The following BUB3 variants were observed in gnomAD, a reference collection of about 807,000 sequenced individuals.
BUB3 encodes mitotic checkpoint protein BUB3.
In BUB3, 22 loss-of-function variants were observed where a neutral mutation model predicts 39.9. The observed-to-expected ratio is 0.55, with a 90% confidence interval of 0.39 to 0.79. The LOEUF is 0.79. BUB3 is among the 30% of genes least tolerant of loss of function. BUB3 has a pLI of 0.00. For synonymous variants in BUB3, 168 were observed against 155.1 expected, an observed-to-expected ratio of 1.08 and a Z score of -0.62; for missense variants, 303 against 415.4, an observed-to-expected ratio of 0.73 and a Z score of 2.35.
chr10:123,156,904 C>T (rs1392066404), intron 3 of BUB3, among the ~76,000 whole-genome samples: 3 of 151,982 alleles, frequency 2.0e-5, no homozygotes, highest in Admixed American at 6.6e-5. Context: ...CCACCATGCT[C>T]GGCTAATTTT....
chr10:123,165,227 C>A lies in BUB3; in HGVS notation c.*1392C>A. 2.9e-6 allele frequency: 2 copies of A among 696,916 alleles called. No individual in the cohort carries two copies. The highest frequency in any genetic ancestry group is 4.2e-5 in the South Asian group (2 of 48,100). 43.2% of individuals were successfully genotyped at this position (696,916 alleles called of 1,614,324 possible). A position where few individuals can be genotyped will look rare whatever the true frequency, so the allele number is the denominator to read the frequency against. ...GTTTAGGATGAGGAGTCTTTGTGTC[C>A]CTGTACAGTAGTCTGACGTATTTCC... On this transcript the variant is annotated 3_prime_UTR_variant, in exon 8 of 8. Transcript: ENST00000368865.
rs1844511574 is a variant in BUB3 at position 123,168,112 on chromosome 10, T to G, written c.*4277T>G. 6.6e-6 allele frequency: 1 copy of G among 152,198 alleles called. No homozygotes were observed. The highest frequency in any genetic ancestry group is 6.5e-5 in the Admixed American group (1 of 15,278). The allele number at this position is 152,198 out of a possible 1,614,324, so 9.4% of individuals were successfully genotyped here. On this transcript the variant is annotated 3_prime_UTR_variant, in exon 8 of 8. Transcript: ENST00000368865. ...CCACCCCACCCGGCCTATGTCATTT[T>G]TTTATGTGGTGAGAATAAATAATCT...
rs1169831029 is a variant in BUB3, at chr10:123,169,968, GA to G, written c.*6134del. 6.6e-6 allele frequency: 1 copy of G among 152,174 alleles called. No individual in the cohort carries two copies. Among genetic ancestry groups the G allele is most frequent in the Non-Finnish European group, 1.5e-5 (1 of 68,036 alleles). 9.4% of individuals were successfully genotyped at this position (152,174 alleles called of 1,614,324 possible). On this transcript the variant is annotated 3_prime_UTR_variant, in exon 8 of 8. Transcript: ENST00000368865. ...GCTACTCTGGAGGCTGAGGCGGGAG[GA>G]TAACCTGAGTGCGGGAGGTTGAGGT...
intron 3 of BUB3, among the ~76,000 whole-genome samples, chr10:123,156,068 G>T (rs1286250295): frequency 2.6e-5 from 4 of 152,210 alleles, no homozygotes; most frequent in Non-Finnish European, 5.9e-5. Context: ...CTGATGTTTT[G>T]AGAGTTCAGT....
In BUB3 at chr10:123,164,340, A is replaced by T; in HGVS notation, c.*505A>T. Reference sequence around the variant, plus strand: ...GGCCGTCCATTATTTTCTGAAGCAGATGGTTCATCATTTCCTGGGCTGTTA... The same window carrying T: ...GGCCGTCCATTATTTTCTGAAGCAGTTGGTTCATCATTTCCTGGGCTGTTA... On this transcript the variant is annotated 3_prime_UTR_variant, in exon 8 of 8. Transcript: ENST00000368865. The T allele has an allele frequency of 1.0e-6, 1 of 986,000 alleles. No homozygotes were observed. The highest frequency in any genetic ancestry group is 1.2e-6 in the Non-Finnish European group (1 of 830,390). The allele number at this position is 986,000 out of a possible 1,614,324, so 61.1% of individuals were successfully genotyped here.
intron 4 of BUB3, among the ~76,000 whole-genome samples, chr10:123,159,792 A>G (rs2049256871): frequency 6.6e-6 from 1 of 152,160 alleles, no homozygotes; most frequent in South Asian, 2.1e-4. Flanking sequence ...TCAGACCACT[A>G]TCTTGTCTTT....
intron 7 of BUB3, 58 bp downstream of exon 7, chr10:123,162,886 AT>A: frequency 6.7e-7 from 1 of 1,503,482 alleles, no homozygotes; most frequent in Non-Finnish European, 9.2e-7. Context: ...GGATTTATTA[AT>A]TTTTCTAAAT....
At chr10:123,161,849 A>G (rs1382747803) in intron 5 of BUB3, among the ~76,000 whole-genome samples, 3 of 152,336 alleles carry the variant, frequency 2.0e-5, no homozygotes, top group Non-Finnish European at 2.9e-5. Context: ...AGGAAACACA[A>G]TTCTTAACAG....
chr10:123,154,971 C>G lies in BUB3; in HGVS notation c.54C>G (p.Ser18=). The change falls in exon 2 of 8, where the codon TCC becomes TCG. Residue 18 remains serine (S), a synonymous_variant. Coordinates refer to ENST00000368865, the MANE Select transcript of BUB3 (RefSeq NM_004725.4). The stretch of plus-strand genomic sequence containing the variant: ...ACCAGCCACCCGAGGATGGCATCTC[C>G]TCCGTGAAGTTCAGCCCCAACACCT... The part of the protein sequence containing the change: ...KLNQPPEDGI[S]SVKFSPNTSQ... The G allele has an allele frequency of 6.2e-7, 1 of 1,614,176 alleles. No homozygotes were observed. Among genetic ancestry groups the G allele is most frequent in the Non-Finnish European group, 8.5e-7 (1 of 1,180,032 alleles).
chr10:123,160,434 C>G lies in BUB3; in HGVS notation c.445C>G (p.Arg149Gly). ...ATATACCCTCTCAGTGTCTGGAGACCGGCTGATTGTGGGAACAGCAGGCCG... is the reference window on the plus strand; with the variant it reads ...ATATACCCTCTCAGTGTCTGGAGACGGGCTGATTGTGGGAACAGCAGGCCG... The part of the protein sequence containing the change: ...KVYTLSVSGD[R>G]LIVGTAGRRV... The change falls in exon 5 of 8, where the codon CGG becomes GGG. Residue 149 changes from arginine to glycine, a missense_variant. By Grantham distance (125) the Arg-to-Gly change is moderately radical. Transcript: ENST00000368865. The G allele has an allele frequency of 6.2e-7, 1 of 1,610,006 alleles. No individual in the cohort carries two copies. Among genetic ancestry groups the G allele is most frequent in the Non-Finnish European group, 8.5e-7 (1 of 1,178,966 alleles).
chr10:123,165,318 C>G lies in BUB3; in HGVS notation c.*1483C>G, dbSNP rs1179780491. On this transcript the variant is annotated 3_prime_UTR_variant, in exon 8 of 8. Coordinates refer to ENST00000368865, the MANE Select transcript of BUB3 (RefSeq NM_004725.4). ...GTTTGAGCTCTTTTTGTAATATACT[C>G]TAAACCTGTTATTTCTGTGCTAATA... The G allele has an allele frequency of 2.7e-6, 1 of 374,664 alleles. No individual in the cohort carries two copies. The highest frequency in any genetic ancestry group is 4.8e-6 in the Non-Finnish European group (1 of 209,644). 23.2% of individuals were successfully genotyped at this position (374,664 alleles called of 1,614,324 possible).
chr10:123,156,358 A>T (rs1341193529), intron 3 of BUB3, among the ~76,000 whole-genome samples: 1 of 152,228 alleles, frequency 6.6e-6, no homozygotes, highest in Admixed American at 6.5e-5. Context: ...CTAGCTGAAC[A>T]TTTGTTTGCA....
At position 123,162,298 on chromosome 10, in the gene BUB3, G is replaced by T; in HGVS notation, c.639G>T (p.Glu213Asp). The change falls in exon 6 of 8, where the codon GAG becomes GAT. Residue 213 changes from glutamate to aspartate, a missense_variant. Coordinates refer to ENST00000368865, the MANE Select transcript of BUB3 (RefSeq NM_004725.4). ...VAVEYLDPSPEVQKKKYAFKC... is the reference protein window; with the variant it reads ...VAVEYLDPSPDVQKKKYAFKC... ...TTGAGTATTTGGACCCAAGCCCTGA[G>T]GTACAGAAGAAGAAGTATGCCTTCA... 6.2e-7 allele frequency: 1 copy of T among 1,614,002 alleles called. No individual in the cohort carries two copies. Among genetic ancestry groups the T allele is most frequent in the Non-Finnish European group, 8.5e-7 (1 of 1,179,992 alleles).
rs758355503 is a variant in BUB3, at chr10:123,155,000, A to T, written c.83A>T (p.Gln28Leu). 1 of 1,614,156 alleles carries T rather than the reference A, an allele frequency of 6.2e-7. No homozygotes were observed. Among genetic ancestry groups the T allele is most frequent in the South Asian group, 1.1e-5 (1 of 91,074 alleles). Reference protein sequence around the residue: ...SSVKFSPNTSQFLLVSSWDTS... With the variant: ...SSVKFSPNTSLFLLVSSWDTS... ...GTGAAGTTCAGCCCCAACACCTCCC[A>T]GTTCCTGCTTGTCTCCTCCTGGGAC... is the stretch of plus-strand genomic sequence containing the variant. The change falls in exon 2 of 8, where the codon CAG becomes CTG. Residue 28 changes from glutamine (Q) to leucine (L), a missense_variant. Physicochemically the swap from Gln to Leu is moderately radical, Grantham distance 113. Transcript: ENST00000368865.
Position 123,155,769 on chromosome 10 carries a change from T to C in BUB3, c.265+42T>C, listed in dbSNP as rs576386782. 3.8e-6 allele frequency: 6 copies of C among 1,571,368 alleles called. No individual in the cohort carries two copies. The African/African-American group carries it at 8.1e-5, about 21-fold the overall frequency. On this transcript the variant is annotated intron_variant, in intron 3 of 7. Coordinates refer to ENST00000368865, the MANE Select transcript of BUB3 (RefSeq NM_004725.4). ...TTTACCAGTTTGTTTTCTTGGCTAG[T>C]GTTCTTAAGTATAAATGTTTATGTA...
chr10:123,156,296 G>C (rs1390688510), intron 3 of BUB3, among the ~76,000 whole-genome samples: 2 of 152,154 alleles, frequency 1.3e-5, no homozygotes, highest in African/African-American at 4.8e-5. Flanking sequence ...TTTTTTTGGT[G>C]ACATTGGCAC....
rs1004863018 is a variant in BUB3, at chr10:123,162,677, C to T, written c.820C>T (p.Arg274Trp). Residue 274 changes from arginine (R) to tryptophan (W), a missense_variant, in exon 7 of 8, where the codon CGG (arginine) becomes TGG (tryptophan). Transcript: ENST00000368865. ...CAAAAAGCGACTGTGCCAATTCCAT[C>T]GGTACCCCACGAGCATCGCATCACT... is the stretch of plus-strand genomic sequence containing the variant. ...FNKKRLCQFH[R>W]YPTSIASLAF... 8.1e-6 allele frequency: 13 copies of T among 1,607,240 alleles called. No individual in the cohort carries two copies. The highest frequency in any genetic ancestry group is 4.5e-5 in the East Asian group (2 of 44,844).
chr10:123,157,765 G>A lies in BUB3; in HGVS notation c.302G>A (p.Cys101Tyr), dbSNP rs1844368852. 4 of 1,610,608 alleles carry A rather than the reference G, an allele frequency of 2.5e-6. No individual in the cohort carries two copies. Among genetic ancestry groups the A allele is most frequent in the South Asian group, 1.1e-5 (1 of 90,232 alleles). ...GGGACCCATGATGCCCCTATCAGAT[G>A]TGTTGAATACTGTCCAGAAGTGAAT... ...LVGTHDAPIR[C>Y]VEYCPEVNVM... The change falls in exon 4 of 8, where the codon TGT becomes TAT. Residue 101 changes from cysteine to tyrosine, a missense_variant. By Grantham distance (194) the Cys-to-Tyr change is radical (BLOSUM62 -2). Around this residue, in one of 2 missense-constraint regions of BUB3, gnomAD observed 182 missense variants for 293.1 expected, o/e 0.62. Transcript: ENST00000368865.
At chr10:123,160,184 C>T (rs1353845940) in intron 4 of BUB3, among the ~76,000 whole-genome samples, 1 of 151,988 alleles carries the variant, frequency 6.6e-6, no homozygotes, top group Non-Finnish European at 1.5e-5. Flanking sequence ...TTAGAATGTA[C>T]ATTATATGAT....
Sources: allele counts gnomAD v4.1 joint callset (sites outside exome capture counted in the v4.1 genomes callset), GRCh38; gene constraint gnomAD v4.1.1; regional missense constraint gnomAD v4.1.1; transcripts MANE v1.5; gene names NCBI Gene and HGNC (gene_info 2026-07-23, HGNC 2026-07-21).